The following MGAT4C variants were observed in gnomAD, a reference collection of about 807,000 sequenced individuals.
MGAT4C encodes MGAT4 family member C, also known as alpha-1,3-mannosyl-glycoprotein 4-beta-N-acetylglucosaminyltransferase C.
Under a neutral mutation model 40.1 loss-of-function variants are expected in MGAT4C, and 19 were observed. The observed-to-expected ratio is 0.47, with a 90% CI of 0.33 to 0.70. MGAT4C has a LOEUF of 0.70. Ranked by LOEUF, MGAT4C falls within the 30% of genes least tolerant of loss-of-function variation. The probability of loss-of-function intolerance (pLI) is 0.02; values close to 1 mark genes in which losing one functional copy is unlikely to be tolerated. For synonymous variants in MGAT4C, 181 were observed against 187.1 expected (o/e 0.97, Z 0.27); for missense variants, 491 against 563.2 (o/e 0.87, Z 1.30).
intron 1 of MGAT4C, among the ~76,000 whole-genome samples, chr12:86,189,230 A>G (rs1223554359): frequency 6.6e-6 from 1 of 151,978 alleles, no homozygotes; most frequent in Non-Finnish European, 1.5e-5. Context: ...TTAGAGGAGA[A>G]TTCTGCCCAA....
At chr12:86,338,385 G>A (rs1455350769) in intron 3 of MGAT4C, among the ~76,000 whole-genome samples, 3 of 152,132 alleles carry the variant, frequency 2.0e-5, no homozygotes, top group South Asian at 2.1e-4. Flanking sequence ...GCTCTTGGGA[G>A]CAGTTTAGGG....
intron 1 of MGAT4C, among the ~76,000 whole-genome samples, chr12:86,086,878 T>G (rs1422353037): frequency 2.0e-5 from 3 of 152,076 alleles, no homozygotes; most frequent in Non-Finnish European, 4.4e-5. Context: ...TTCCCTGAGT[T>G]CAGTTTTTCT....
At chr12:86,132,791 C>CAAAAAAA (rs60321690) in intron 1 of MGAT4C, among the ~76,000 whole-genome samples, 620 of 93,068 alleles carry the variant, frequency 6.7e-3, no homozygotes, top group Non-Finnish European at 8.6e-3. Flanking sequence ...GACTCCGTCT[C>CAAAAAAA]AAAAAAAAAA....
intron 2 of MGAT4C, among the ~76,000 whole-genome samples, chr12:86,466,043 T>G (rs2136299559): frequency 6.6e-6 from 1 of 152,058 alleles, no homozygotes; most frequent in South Asian, 2.1e-4. Flanking sequence ...ATCCCGTCTC[T>G]ACTAAAAATA....
intron 2 of MGAT4C, among the ~76,000 whole-genome samples, chr12:86,015,345 T>A (rs536786233): frequency 6.6e-6 from 1 of 152,092 alleles, no homozygotes; most frequent in Non-Finnish European, 1.5e-5. Flanking sequence ...CTCCCTTTGC[T>A]GCCTCCCGAC....
At chr12:86,337,663 A>T (rs935072348) in intron 3 of MGAT4C, among the ~76,000 whole-genome samples, 1 of 152,054 alleles carries the variant, frequency 6.6e-6, no homozygotes, top group Non-Finnish European at 1.5e-5. Context: ...GAGAACAGAT[A>T]GTAGAAGCTA....
At chr12:86,310,237 T>C (rs1001555208) in intron 4 of MGAT4C, among the ~76,000 whole-genome samples, 9 of 152,200 alleles carry the variant, frequency 5.9e-5, no homozygotes, top group Non-Finnish European at 1.0e-4. Context: ...GGCCAGTGTT[T>C]CATTTCTTTT....
In MGAT4C at chr12:85,980,281, G is replaced by A. The variant is rs566418071; in HGVS notation, c.445C>T (p.Arg149Cys). The change falls in exon 5 of 5, where the codon CGT becomes TGT. Residue 149 changes from arginine (R) to cysteine (C), a missense_variant. By Grantham distance (180) the Arg-to-Cys change is radical (BLOSUM62 -3). Transcript: ENST00000611864. ...VHLADFNSSW[R>C]DAMVQDITQK... ...GTAATATCCTGGACCATGGCATCACGCCAGGAAGAATTAAAGTCTGCTAGG... is the reference window on the plus strand; with the variant it reads ...GTAATATCCTGGACCATGGCATCACACCAGGAAGAATTAAAGTCTGCTAGG... 1.4e-5 allele frequency: 22 copies of A among 1,613,834 alleles called. No individual in the cohort carries two copies. The highest frequency in any genetic ancestry group is 3.3e-4 in the Middle Eastern group (2 of 6,060).
intron 1 of MGAT4C, among the ~76,000 whole-genome samples, chr12:86,138,802 G>A (rs867460895): frequency 1.3e-5 from 2 of 151,906 alleles, no homozygotes; most frequent in Non-Finnish European, 2.9e-5. Flanking sequence ...CAGACTTGGA[G>A]GAGGAAGGTA....
rs1960734321 is a variant in MGAT4C, at chr12:86,580,418, C to A, written c.-228-145153G>T. ...CTATCCCTAAGGTATAGATTATAGTCTGGTTCATAGTAGGTACTCAATTAA... is the reference window on the plus strand; with the variant it reads ...CTATCCCTAAGGTATAGATTATAGTATGGTTCATAGTAGGTACTCAATTAA... On this transcript the variant is annotated intron_variant, in intron 2 of 7. Coordinates refer to the MGAT4C transcript ENST00000548651. Among the ~76,000 whole-genome samples, 4 of 151,380 alleles carry A rather than the reference C, an allele frequency of 2.6e-5. No individual in the cohort carries two copies. The Admixed American group carries it at 2.6e-4, about 10-fold the overall frequency.
At chr12:86,544,222 A>G (rs1959181862) in intron 2 of MGAT4C, among the ~76,000 whole-genome samples, 1 of 152,222 alleles carries the variant, frequency 6.6e-6, no homozygotes, top group Non-Finnish European at 1.5e-5. Context: ...TACATACTTT[A>G]GATAAAATCA....
chr12:86,233,453 G>T (rs890967091), intron 1 of MGAT4C, among the ~76,000 whole-genome samples: 3 of 152,210 alleles, frequency 2.0e-5, no homozygotes, highest in African/African-American at 4.8e-5. Flanking sequence ...TGCAGCCTTT[G>T]ATAGGTGACA....
intron 1 of MGAT4C, among the ~76,000 whole-genome samples, chr12:86,058,060 AAGAG>A (rs893497428): frequency 6.6e-6 from 1 of 152,094 alleles, no homozygotes; most frequent in Non-Finnish European, 1.5e-5. Flanking sequence ...ATTTTTATAA[AAGAG>A]AGAGTAAATA....
At chr12:86,367,514 T>C (rs2136208256) in intron 3 of MGAT4C, among the ~76,000 whole-genome samples, 1 of 152,264 alleles carries the variant, frequency 6.6e-6, no homozygotes, top group South Asian at 2.1e-4. Context: ...AAACTCTTAG[T>C]CTGGACCAGG....
chr12:86,449,496 T>C (rs936964040), intron 2 of MGAT4C, among the ~76,000 whole-genome samples: 11 of 152,134 alleles, frequency 7.2e-5, no homozygotes, highest in African/African-American at 1.9e-4. Context: ...AACACATTCA[T>C]TGAGACAGCC....
At chr12:86,394,496 T>TATATA (rs575278319) in intron 3 of MGAT4C, among the ~76,000 whole-genome samples, 15,010 of 145,464 alleles carry the variant, frequency 0.1, 967 homozygotes, top group Middle Eastern at 0.23. Flanking sequence ...ATACTTTATA[T>TATATA]ATATATTTTT....
At chr12:86,591,498 T>C (rs1044397176) in intron 2 of MGAT4C, among the ~76,000 whole-genome samples, 3 of 151,976 alleles carry the variant, frequency 2.0e-5, no homozygotes, top group African/African-American at 7.2e-5. Context: ...TGCTTTGTTA[T>C]TTTTTAATTG....
intron 2 of MGAT4C, among the ~76,000 whole-genome samples, chr12:86,659,007 A>G (rs1238279400): frequency 6.6e-6 from 1 of 152,134 alleles, no homozygotes; most frequent in Non-Finnish European, 1.5e-5. Flanking sequence ...TGTTTGACCT[A>G]TGATTAATGT....
intron 3 of MGAT4C, among the ~76,000 whole-genome samples, chr12:86,392,762 A>T (rs1378289580): frequency 6.6e-6 from 1 of 152,212 alleles, no homozygotes; most frequent in Non-Finnish European, 1.5e-5. Flanking sequence ...ACATAATTGC[A>T]TAGATGTGTA....
Sources: allele counts gnomAD v4.1 joint callset (sites outside exome capture counted in the v4.1 genomes callset), GRCh38; gene constraint gnomAD v4.1.1; transcripts MANE v1.5; gene names NCBI Gene and HGNC (gene_info 2026-07-23, HGNC 2026-07-21).